OXR1: variants seen among roughly 807,000 people sequenced by gnomAD.
The protein encoded by OXR1 is oxidation resistance 1, also known as oxidation resistance protein 1.
In OXR1, 41 loss-of-function variants were observed where a neutral mutation model predicts 104.6. The observed-to-expected ratio is 0.39, with a 90% CI of 0.31 to 0.51. The LOEUF (loss-of-function observed/expected upper bound fraction) is 0.51. Among genes scored for constraint, OXR1 ranks in the 20% least tolerant of loss-of-function variants. OXR1 has a pLI of 0.77. For missense variants in OXR1, 955 were observed against 1,031.9 expected (o/e 0.93, Z 1.02); for synonymous variants, 348 against 348.4 (o/e 1.00, Z 0.01).
chr8:106,706,684 C>A lies in OXR1; in HGVS notation c.1163C>A (p.Thr388Asn), dbSNP rs768534145. 4 of 1,613,126 alleles carry A rather than the reference C, an allele frequency of 2.5e-6. No individual in the cohort carries two copies. Among genetic ancestry groups the A allele is most frequent in the Middle Eastern group, 1.7e-4 (1 of 6,052 alleles). Reference protein sequence around the residue: ...VESLTVKSESTGTPGHLRSDT... With the variant: ...VESLTVKSESNGTPGHLRSDT... ...AGTCTGACAGTCAAATCAGAATCTACTGGTACTCCTGGTCACTTAAGATCT... is the reference window on the plus strand; with the variant it reads ...AGTCTGACAGTCAAATCAGAATCTAATGGTACTCCTGGTCACTTAAGATCT... Residue 388 changes from threonine (T) to asparagine (N), a missense_variant, in exon 9 of 17, where the codon ACT (threonine) becomes AAT (asparagine). By Grantham distance (65) the Thr-to-Asn change is moderately conservative. This residue lies in a region of OXR1 where 849 missense variants were observed against 852.9 expected (regional missense o/e 1.00). Transcript: ENST00000517566.
Position 106,666,310 on chromosome 8 carries a change from C to T in OXR1, c.221-12900C>T, listed in dbSNP as rs539643313. Among the ~76,000 whole-genome samples, 16 of 152,166 alleles carry T rather than the reference C, an allele frequency of 1.1e-4. No homozygotes were observed. In the South Asian group the frequency reaches 3.3e-3, roughly 32 times the overall value. On this transcript the variant is annotated intron_variant, in intron 3 of 16. Coordinates refer to ENST00000517566, the MANE Select transcript of OXR1 (RefSeq NM_001198533.2). ...TGAAAATGGTCTGTATCTGTGATGG[C>T]CAGTATGGTAGCCACTAGGCAAATA...
chr8:106,274,608 C>CCCA (rs1563688924), intron 1 of OXR1, among the ~76,000 whole-genome samples: 1 of 143,260 alleles, frequency 7.0e-6, no homozygotes, highest in African/African-American at 2.6e-5. Flanking sequence ...CCACCCCCCC[C>CCCA]CCGACCCCGC....
intron 7 of OXR1, among the ~76,000 whole-genome samples, chr8:106,701,144 A>T (rs909958822): frequency 6.6e-6 from 1 of 152,150 alleles, no homozygotes; most frequent in African/African-American, 2.4e-5. Context: ...TATTAATTGA[A>T]AGAGAAATAG....
chr8:106,333,411 AT>A (rs1287557771), intron 1 of OXR1, among the ~76,000 whole-genome samples: 1 of 151,900 alleles, frequency 6.6e-6, no homozygotes, highest in Non-Finnish European at 1.5e-5. Flanking sequence ...CTTTGGAAAT[AT>A]TTTCTCCTAT....
At chr8:106,453,675 C>T (rs539809396) in intron 2 of OXR1, among the ~76,000 whole-genome samples, 1 of 152,326 alleles carries the variant, frequency 6.6e-6, no homozygotes, top group South Asian at 2.1e-4. Flanking sequence ...TATTCTTAAA[C>T]TCTCATGGTG....
chr8:106,471,121 G>C (rs558746700), intron 2 of OXR1, among the ~76,000 whole-genome samples: 1 of 151,728 alleles, frequency 6.6e-6, no homozygotes, highest in East Asian at 1.9e-4. Context: ...TCAAAAGAAA[G>C]TATTTATGAG....
chr8:106,592,039 A>G (rs1819136882), intron 3 of OXR1, among the ~76,000 whole-genome samples: 1 of 152,178 alleles, frequency 6.6e-6, no homozygotes, highest in South Asian at 2.1e-4. Context: ...CCAGATTATA[A>G]AATCATACTG....
At chr8:106,625,334 A>G (rs1308336911) in intron 3 of OXR1, among the ~76,000 whole-genome samples, 1 of 152,204 alleles carries the variant, frequency 6.6e-6, no homozygotes, top group Admixed American at 6.5e-5. Flanking sequence ...TGGACAACAA[A>G]GTGAGACCAC....
chr8:106,306,786 T>C (rs1251313603), intron 1 of OXR1, among the ~76,000 whole-genome samples: 2 of 152,214 alleles, frequency 1.3e-5, no homozygotes, highest in African/African-American at 4.8e-5. Flanking sequence ...TATTTCTTGA[T>C]TGGGATGTTG....
At position 106,472,387 on chromosome 8, in the gene OXR1, A is replaced by G. The variant is rs544590324; in HGVS notation, c.24-46556A>G. The stretch of plus-strand genomic sequence containing the variant: ...AGGTGACTCAGTAAATCAAGCAAAA[A>G]ATGCTTGAGAGTATGAAGTAAAAAC... On this transcript the variant is annotated intron_variant, in intron 2 of 16. Transcript: ENST00000517566. 1.1e-4 allele frequency among the ~76,000 whole-genome samples: 17 copies of G among 151,918 alleles called. No homozygotes were observed. In the South Asian group the frequency reaches 3.5e-3, roughly 31 times the overall value.
chr8:106,532,768 T>C (rs1321031851), intron 3 of OXR1, among the ~76,000 whole-genome samples: 1 of 152,224 alleles, frequency 6.6e-6, no homozygotes, highest in Non-Finnish European at 1.5e-5. Context: ...TTTAAAAAGA[T>C]ATATCCTCTT....
rs183440851 is a variant in OXR1 at position 106,376,372 on chromosome 8, C to A, written c.23+16736C>A. On this transcript the variant is annotated intron_variant, in intron 2 of 16. Transcript: ENST00000517566. ...ATCGTAAATTATTACCTGACATTGA[C>A]GGGGGATTTCCCTAAAATTGTAGAG... Among the ~76,000 whole-genome samples the A allele has an allele frequency of 5.4e-4, 82 of 152,162 alleles. 1 individual carries two copies. Among genetic ancestry groups the A allele is most frequent in the Non-Finnish European group, 4.0e-4 (27 of 68,020 alleles).
intron 1 of OXR1, among the ~76,000 whole-genome samples, chr8:106,274,607 C>CA (rs1242784492): frequency 7.3e-6 from 1 of 137,670 alleles, no homozygotes; most frequent in Non-Finnish European, 1.6e-5. Context: ...GCCACCCCCC[C>CA]CCCGACCCCG....
chr8:106,356,348 G>A (rs924583329), intron 1 of OXR1, among the ~76,000 whole-genome samples: 4 of 152,178 alleles, frequency 2.6e-5, no homozygotes, highest in Non-Finnish European at 1.5e-5. Flanking sequence ...GGAAAAGGAA[G>A]TCAGGAGGCC....
intron 1 of OXR1, among the ~76,000 whole-genome samples, chr8:106,318,153 AT>A (rs1262581849): frequency 6.6e-6 from 1 of 152,212 alleles, no homozygotes; most frequent in Non-Finnish European, 1.5e-5. Context: ...TGTTAACAAA[AT>A]TGATTATTAA....
intron 2 of OXR1, among the ~76,000 whole-genome samples, chr8:106,465,159 GATTTGGGATCGAT>G (rs1435093005): frequency 6.6e-6 from 1 of 151,984 alleles, no homozygotes; most frequent in African/African-American, 2.4e-5. Flanking sequence ...ATGTGAAGGT[GATTTGGGATCGAT>G]ACTGGAAGGA....
intron 3 of OXR1, among the ~76,000 whole-genome samples, chr8:106,615,233 C>T (rs1586901256): frequency 6.6e-6 from 1 of 151,994 alleles, no homozygotes; most frequent in African/African-American, 2.4e-5. Flanking sequence ...ACTTTGAAAC[C>T]AGCCTGACCG....
chr8:106,478,039 A>C (rs1226129110), intron 2 of OXR1, among the ~76,000 whole-genome samples: 1 of 151,880 alleles, frequency 6.6e-6, no homozygotes, highest in East Asian at 1.9e-4. Context: ...AGTAAATTTA[A>C]AGGCCTTCCA....
chr8:106,355,417 A>G (rs1362434323), intron 1 of OXR1, among the ~76,000 whole-genome samples: 1 of 152,168 alleles, frequency 6.6e-6, no homozygotes, highest in African/African-American at 2.4e-5. Context: ...TAATTAAAAA[A>G]ATAACAAGCC....
Sources: allele counts gnomAD v4.1 joint callset (sites outside exome capture counted in the v4.1 genomes callset), GRCh38; gene constraint gnomAD v4.1.1; regional missense constraint gnomAD v4.1.1; transcripts MANE v1.5; gene names NCBI Gene and HGNC (gene_info 2026-07-23, HGNC 2026-07-21).